Variants in TMCO5A observed in about 807,000 individuals in gnomAD.
TMCO5A encodes the protein transmembrane and coiled-coil domain-containing protein 5A.
A neutral mutation model predicts 42.3 loss-of-function variants in TMCO5A; 34 were observed. The observed-to-expected ratio is 0.80, with a 90% CI of 0.61 to 1.07. The LOEUF is 1.07. TMCO5A is among the 50% of genes least tolerant of loss of function. The pLI, the probability that TMCO5A is intolerant of heterozygous loss-of-function variation, is 0.00. For synonymous variants in TMCO5A, 131 were observed against 115.6 expected (o/e 1.13, Z -0.86); for missense variants, 357 against 327.9 (o/e 1.09, Z -0.69).
intron 11 of TMCO5A, among the ~76,000 whole-genome samples, chr15:37,966,174 T>C (rs1304535778): frequency 1.3e-5 from 2 of 152,144 alleles, no homozygotes; most frequent in African/African-American, 4.8e-5. Flanking sequence ...CATGTTCTCA[T>C]TTATTTGTGA....
the TMCO5A span, among the ~76,000 whole-genome samples, chr15:38,026,378 C>T: frequency 1.3e-5 from 2 of 152,094 alleles, no homozygotes; most frequent in Non-Finnish European, 2.9e-5. Context: ...AGCACTTTGC[C>T]CCTGCCCTAG....
intron 3 of TMCO5A, 84 bp downstream of exon 3, chr15:37,936,547 T>C (rs2140254444): frequency 6.8e-7 from 1 of 1,480,860 alleles, no homozygotes; most frequent in Non-Finnish European, 9.1e-7. Context: ...TTCCTGCTTG[T>C]TCTAGAGACT....
the TMCO5A span, among the ~76,000 whole-genome samples, chr15:38,027,763 C>T: frequency 3.9e-5 from 6 of 152,104 alleles, no homozygotes; most frequent in African/African-American, 1.4e-4. Flanking sequence ...ACAGTTTCCT[C>T]CATACTATTG....
downstream of TMCO5A, among the ~76,000 whole-genome samples, chr15:37,971,506 C>G (rs538770574): frequency 1.0e-3 from 152 of 152,330 alleles, 1 homozygote; most frequent in African/African-American, 3.5e-3. Flanking sequence ...TAAGTAATTC[C>G]TCATTACTTA....
At chr15:37,990,044 T>C in the TMCO5A span, among the ~76,000 whole-genome samples, 1 of 152,080 alleles carries the variant, frequency 6.6e-6, no homozygotes, top group African/African-American at 2.4e-5. Context: ...TTCTGATCTA[T>C]CATAGGTCTG....
At chr15:37,990,758 TA>T in the TMCO5A span, among the ~76,000 whole-genome samples, 1 of 152,114 alleles carries the variant, frequency 6.6e-6, no homozygotes, top group Non-Finnish European at 1.5e-5. Flanking sequence ...TGAAACACTG[TA>T]ATTTCCTTCT....
downstream of TMCO5A, among the ~76,000 whole-genome samples, chr15:37,954,441 T>C (rs796998772): frequency 4.6e-5 from 7 of 152,222 alleles, no homozygotes; most frequent in African/African-American, 1.7e-4. Context: ...TATCCTGCAA[T>C]AGTATTCTGG....
At chr15:37,982,725 CTA>C in the TMCO5A span, among the ~76,000 whole-genome samples, 1 of 137,320 alleles carries the variant, frequency 7.3e-6, no homozygotes, top group Non-Finnish European at 1.5e-5. Context: ...ATATAAATAT[CTA>C]TAATATATAA....
chr15:37,978,372 C>G, the TMCO5A span, among the ~76,000 whole-genome samples: 2 of 152,200 alleles, frequency 1.3e-5, no homozygotes, highest in African/African-American at 4.8e-5. Context: ...GAGCTCGGTC[C>G]TAGGGAAACA....
the TMCO5A span, among the ~76,000 whole-genome samples, chr15:37,987,905 T>C: frequency 3.9e-5 from 6 of 152,008 alleles, no homozygotes; most frequent in African/African-American, 9.7e-5. Context: ...AAAAAAGTCA[T>C]TGGGATTTTG....
the TMCO5A span, among the ~76,000 whole-genome samples, chr15:37,977,825 C>T: frequency 6.6e-6 from 1 of 152,186 alleles, no homozygotes; most frequent in East Asian, 1.9e-4. Context: ...AAATGCAGGG[C>T]CCTTACCAAT....
chr15:38,032,742 A>G, the TMCO5A span, among the ~76,000 whole-genome samples: 1 of 152,144 alleles, frequency 6.6e-6, no homozygotes, highest in Non-Finnish European at 1.5e-5. Flanking sequence ...TAGCACTGTT[A>G]GGAAACCACA....
At position 37,935,356 on chromosome 15, in the gene TMCO5A, A is replaced by G. The variant is rs1029640973; in HGVS notation, c.-11+8A>G. The G allele has an allele frequency of 3.3e-5, 5 of 152,130 alleles. No homozygotes were observed. In the East Asian group the frequency reaches 9.7e-4, roughly 29 times the overall value. 9.4% of individuals were successfully genotyped at this position (152,130 alleles called of 1,614,324 possible). On this transcript the variant is annotated splice_region_variant and intron_variant, in intron 2 of 11. Transcript: ENST00000319669. ...GACCAAGGTGTAAAGCAGGTTCGCTATTGACCCCTTGCCTCATCTTCCAGC... is the reference window on the plus strand; with the variant it reads ...GACCAAGGTGTAAAGCAGGTTCGCTGTTGACCCCTTGCCTCATCTTCCAGC...
the TMCO5A span, among the ~76,000 whole-genome samples, chr15:38,010,241 T>C: frequency 1.3e-5 from 2 of 151,584 alleles, no homozygotes; most frequent in Non-Finnish European, 2.9e-5. Flanking sequence ...CCGGGCGTAT[T>C]GGCCGGCGCG....
At chr15:37,995,038 A>G in the TMCO5A span, among the ~76,000 whole-genome samples, 1 of 152,124 alleles carries the variant, frequency 6.6e-6, no homozygotes, top group Non-Finnish European at 1.5e-5. Flanking sequence ...TGGCAGAGTG[A>G]TTTGTTAGGT....
chr15:37,954,771 T>C (rs957434760), downstream of TMCO5A, among the ~76,000 whole-genome samples: 6 of 151,982 alleles, frequency 3.9e-5, no homozygotes, highest in Admixed American at 1.3e-4. Context: ...TAATAAAATA[T>C]AAATAGAAAC....
intron 11 of TMCO5A, among the ~76,000 whole-genome samples, chr15:37,962,191 T>C (rs900237557): frequency 1.3e-5 from 2 of 152,176 alleles, no homozygotes; most frequent in African/African-American, 4.8e-5. Flanking sequence ...TAGATGGCTT[T>C]TATTACATTG....
intron 5 of TMCO5A, 123 bp from the exon 6 acceptor site, chr15:37,938,035 T>G: frequency 2.5e-6 from 2 of 794,242 alleles, no homozygotes; most frequent in Non-Finnish European, 4.1e-6. Context: ...TCACCAAATA[T>G]CTACCAAAGG....
the TMCO5A span, among the ~76,000 whole-genome samples, chr15:38,039,098 G>T: frequency 2.6e-5 from 4 of 152,276 alleles, no homozygotes; most frequent in South Asian, 8.3e-4. Flanking sequence ...CTGTCTAGAG[G>T]CAGGTGGAAA....
Sources: allele counts gnomAD v4.1 joint callset (sites outside exome capture counted in the v4.1 genomes callset), GRCh38; gene constraint gnomAD v4.1.1; transcripts MANE v1.5; gene names NCBI Gene and HGNC (gene_info 2026-07-23, HGNC 2026-07-21).